The following PAMR1 variants were observed in gnomAD, a reference collection of about 807,000 sequenced individuals.
PAMR1 encodes the protein inactive serine protease PAMR1.
PAMR1 carries 88 observed loss-of-function variants against 81.8 expected under a neutral mutation model. The observed-to-expected ratio is 1.08, with a 90% CI of 0.91 to 1.28. The LOEUF (loss-of-function observed/expected upper bound fraction) is 1.28, where lower values mean the gene tolerates loss of function less well. PAMR1 is among the 50% of genes most tolerant of loss of function. The pLI is 0.00. For missense variants in PAMR1, 935 were observed against 919.7 expected (o/e 1.02, Z -0.21); for synonymous variants, 336 against 345.3 (o/e 0.97, Z 0.30).
At chr11:35,491,698 T>G (rs751139679) in intron 3 of PAMR1, among the ~76,000 whole-genome samples, 1 of 152,214 alleles carries the variant, frequency 6.6e-6, no homozygotes, top group Non-Finnish European at 1.5e-5. Context: ...AATTCATACG[T>G]ACAGTGCACT....
intron 6 of PAMR1, among the ~76,000 whole-genome samples, chr11:35,453,653 T>A (rs1319928887): frequency 1.3e-5 from 2 of 152,208 alleles, no homozygotes; most frequent in African/African-American, 4.8e-5. Flanking sequence ...ACAATCTTTT[T>A]TTCCTACTCA....
chr11:35,432,096 G>T lies in PAMR1; in HGVS notation c.*260C>A. Reference sequence around the variant, plus strand: ...CAGGTCAGTGGAGTGGAGAGGTTTTGTATATGGTCTTCTTTGAAGAAACTT... The same window carrying T: ...CAGGTCAGTGGAGTGGAGAGGTTTTTTATATGGTCTTCTTTGAAGAAACTT... On this transcript the variant is annotated 3_prime_UTR_variant, in exon 11 of 11. Transcript: ENST00000619888. 1 of 490,682 alleles carries T rather than the reference G, an allele frequency of 2.0e-6. No homozygotes were observed. Among genetic ancestry groups the T allele is most frequent in the Non-Finnish European group, 3.7e-6 (1 of 273,278 alleles). The allele number at this position is 490,682 out of a possible 1,614,324, so 30.4% of individuals were successfully genotyped here.
At chr11:35,501,273 G>A (rs1264587930) in intron 1 of PAMR1, among the ~76,000 whole-genome samples, 1 of 151,832 alleles carries the variant, frequency 6.6e-6, no homozygotes, top group Non-Finnish European at 1.5e-5. Context: ...TGGAACTGCA[G>A]GCATGTGCCA....
At chr11:35,436,656 TCACACA>T (rs34951313) in intron 8 of PAMR1, among the ~76,000 whole-genome samples, 233 of 144,930 alleles carry the variant, frequency 1.6e-3, no homozygotes, top group African/African-American at 2.5e-3. Context: ...TCTCTCTCTG[TCACACA>T]CACACACACA....
chr11:35,477,975 C>T (rs1384146870), intron 3 of PAMR1, among the ~76,000 whole-genome samples: 5 of 152,168 alleles, frequency 3.3e-5, no homozygotes, highest in Non-Finnish European at 7.4e-5. Flanking sequence ...TGAGAGACAA[C>T]AAAAGAAGCC....
chr11:35,523,019 C>T (rs1057284022), intron 1 of PAMR1, among the ~76,000 whole-genome samples: 3 of 152,188 alleles, frequency 2.0e-5, no homozygotes, highest in African/African-American at 7.2e-5. Context: ...ATGATCCCAT[C>T]ATTAAATTAT....
At chr11:35,526,818 G>A (rs189727827), upstream of PAMR1, among the ~76,000 whole-genome samples, 4 of 152,176 alleles carry the variant, frequency 2.6e-5, no homozygotes, top group Non-Finnish European at 4.4e-5. Flanking sequence ...TAAACCCCAC[G>A]TGTCATGGGA....
chr11:35,486,131 G>A (rs1364031720), intron 3 of PAMR1, among the ~76,000 whole-genome samples: 1 of 152,216 alleles, frequency 6.6e-6, no homozygotes, highest in Non-Finnish European at 1.5e-5. Context: ...TGTTTTCACA[G>A]ATGGATTGTA....
At chr11:35,509,438 G>A (rs1851034151) in intron 1 of PAMR1, among the ~76,000 whole-genome samples, 1 of 152,182 alleles carries the variant, frequency 6.6e-6, no homozygotes, top group African/African-American at 2.4e-5. Flanking sequence ...GTGGTGCTAA[G>A]GGCCAGTTCC....
intron 6 of PAMR1, among the ~76,000 whole-genome samples, chr11:35,467,340 C>A (rs1350901487): frequency 1.3e-5 from 2 of 152,162 alleles, no homozygotes; most frequent in Admixed American, 6.5e-5. Flanking sequence ...TTGGGAAAAC[C>A]TACCTAGGAG....
intron 6 of PAMR1, among the ~76,000 whole-genome samples, chr11:35,460,005 G>T (rs908955839): frequency 6.6e-6 from 1 of 152,206 alleles, no homozygotes; most frequent in East Asian, 1.9e-4. Flanking sequence ...CCAGAGCCTG[G>T]CCTATATTAA....
At chr11:35,489,411 C>T (rs1213815347) in intron 3 of PAMR1, among the ~76,000 whole-genome samples, 3 of 152,156 alleles carry the variant, frequency 2.0e-5, no homozygotes, top group African/African-American at 4.8e-5. Flanking sequence ...TTCCTTTAAG[C>T]TCTTCTCACT....
intron 3 of PAMR1, among the ~76,000 whole-genome samples, chr11:35,481,111 G>A (rs1850382495): frequency 6.6e-6 from 1 of 152,112 alleles, no homozygotes. Flanking sequence ...ATCATTGATG[G>A]GCATTTGGGT....
At chr11:35,528,017 A>G (rs927344174), upstream of PAMR1, among the ~76,000 whole-genome samples, 4 of 150,470 alleles carry the variant, frequency 2.7e-5, no homozygotes, top group Admixed American at 6.6e-5. Context: ...CCCAGCCCCC[A>G]CCACACACAC....
intron 3 of PAMR1, among the ~76,000 whole-genome samples, chr11:35,482,025 A>G (rs769063749): frequency 5.9e-4 from 89 of 152,132 alleles, no homozygotes; most frequent in South Asian, 2.1e-4. Flanking sequence ...GCTGTGCAGA[A>G]GCTTTTTAGT....
At chr11:35,481,149 A>C (rs1850383164) in intron 3 of PAMR1, among the ~76,000 whole-genome samples, 1 of 152,238 alleles carries the variant, frequency 6.6e-6, no homozygotes, top group African/African-American at 2.4e-5. Context: ...TATTGTAAAT[A>C]GTGCTGTAAC....
At chr11:35,519,198 G>T (rs1179957750) in intron 1 of PAMR1, among the ~76,000 whole-genome samples, 1 of 152,202 alleles carries the variant, frequency 6.6e-6, no homozygotes, top group Non-Finnish European at 1.5e-5. Flanking sequence ...GTGTCTGATA[G>T]ACAGTAGATC....
At chr11:35,448,466 A>G (rs1856342120) in intron 6 of PAMR1, among the ~76,000 whole-genome samples, 1 of 151,952 alleles carries the variant, frequency 6.6e-6, no homozygotes. Context: ...TGAAGTTCTT[A>G]TGCTGTGTTT....
At chr11:35,455,826 G>A (rs1401202079) in intron 6 of PAMR1, among the ~76,000 whole-genome samples, 1 of 151,502 alleles carries the variant, frequency 6.6e-6, no homozygotes, top group Non-Finnish European at 1.5e-5. Context: ...AAATAGAAGA[G>A]ATGCCAGTTC....
Sources: allele counts gnomAD v4.1 joint callset (sites outside exome capture counted in the v4.1 genomes callset), GRCh38; gene constraint gnomAD v4.1.1; transcripts MANE v1.5; gene names NCBI Gene and HGNC (gene_info 2026-07-23, HGNC 2026-07-21).